ZNF750: variants seen among roughly 807,000 people sequenced by gnomAD.
The protein encoded by ZNF750 is protein ZNF750.
Under a neutral mutation model 31.6 loss-of-function variants are expected in ZNF750, and 10 were observed. That is an observed-to-expected ratio of 0.32 (90% CI 0.19 to 0.54). The LOEUF is 0.54. Among genes scored for constraint, ZNF750 ranks in the 20% least tolerant of loss-of-function variants. The pLI, the probability that ZNF750 is intolerant of heterozygous loss-of-function variation, is 0.95. For missense variants in ZNF750, 914 were observed against 934.9 expected, an observed-to-expected ratio of 0.98 and a Z score of 0.29; for synonymous variants, 400 against 404.9, an observed-to-expected ratio of 0.99 and a Z score of 0.15.
At chr17:82,836,210 G>T (rs939858639) in intron 1 of ZNF750, among the ~76,000 whole-genome samples, 2 of 152,284 alleles carry the variant, frequency 1.3e-5, no homozygotes, top group South Asian at 2.1e-4. Context: ...GAAGCCGGGT[G>T]CCTGGTTCCA....
chr17:82,832,110 C>T lies in ZNF750; in HGVS notation c.345G>A (p.Leu115=), dbSNP rs1354536533. The T allele has an allele frequency of 1.7e-5, 28 of 1,614,080 alleles. No homozygotes were observed. Among genetic ancestry groups the T allele is most frequent in the Non-Finnish European group, 2.2e-5 (26 of 1,180,044 alleles). The stretch of plus-strand genomic sequence containing the variant: ...TGTGGGTTCCCCGGGCTTGCAGCTC[C>T]AGGTTTTCCTTGATGTCTTCCCTGG... ...SSAREDIKEN[L]ELQARGTHRC... Residue 115 remains leucine (L), a synonymous_variant, in exon 2 of 3, where the codon CTG becomes CTA. Coordinates refer to ENST00000269394, the MANE Select transcript of ZNF750 (RefSeq NM_024702.3). This position sits in a 1 kb window ranked among gnomAD's most constrained non-coding sequence, Gnocchi z 4.9.
chr17:82,835,853 C>G lies in ZNF750; in HGVS notation c.-182-3217G>C, dbSNP rs2053924957. Among the ~76,000 whole-genome samples, 2 of 152,208 alleles carry G rather than the reference C, an allele frequency of 1.3e-5. No homozygotes were observed. Among genetic ancestry groups the G allele is most frequent in the African/African-American group, 4.8e-5 (2 of 41,460 alleles). On this transcript the variant is annotated intron_variant, in intron 1 of 2. Coordinates refer to ENST00000269394, the MANE Select transcript of ZNF750 (RefSeq NM_024702.3). The surrounding 1 kb of genome is among the most constrained non-coding windows in gnomAD (Gnocchi z 4.5). ...TTGGGTAGAAAAGGGGCTCTGCTGACCTGCCACCTTCGCTGTGATGAGTTT... is the reference window on the plus strand; with the variant it reads ...TTGGGTAGAAAAGGGGCTCTGCTGAGCTGCCACCTTCGCTGTGATGAGTTT...
chr17:82,838,044 C>T (rs2054134635), intron 1 of ZNF750, among the ~76,000 whole-genome samples: 1 of 152,248 alleles, frequency 6.6e-6, no homozygotes, highest in South Asian at 2.1e-4. Flanking sequence ...AGCCGATGCA[C>T]TTGGCTTCTG....
chr17:82,830,004 T>G lies in ZNF750; in HGVS notation c.*138A>C. On this transcript the variant is annotated 3_prime_UTR_variant, in exon 3 of 3. Coordinates refer to ENST00000269394, the MANE Select transcript of ZNF750 (RefSeq NM_024702.3). ...ACTGAATTGGAGGGTTTTTTGTTTG[T>G]TTGTTTGTTTGTTTTTTTGAGAAGC... 5 of 1,349,722 alleles carry G rather than the reference T, an allele frequency of 3.7e-6. No homozygotes were observed. Among genetic ancestry groups the G allele is most frequent in the East Asian group, 2.4e-5 (1 of 41,264 alleles). 83.6% of individuals were successfully genotyped at this position (1,349,722 alleles called of 1,614,324 possible).
rs773229555 is a variant in ZNF750 at position 82,835,716 on chromosome 17, T to A, written c.-182-3080A>T. ...CTGGGATTACAGGCATGAGCCACCG[T>A]GCCTGGCTCATTTATTTATAATTCT... On this transcript the variant is annotated intron_variant, in intron 1 of 2. Transcript: ENST00000269394. This position sits in a 1 kb window ranked among gnomAD's most constrained non-coding sequence, Gnocchi z 4.5. Among the ~76,000 whole-genome samples, 20 of 152,214 alleles carry A rather than the reference T, an allele frequency of 1.3e-4. No individual in the cohort carries two copies. The highest frequency in any genetic ancestry group is 2.4e-4 in the Non-Finnish European group (16 of 68,044).
Position 82,830,625 on chromosome 17 carries a change from A to G in ZNF750, c.1689T>C (p.Ala563=). 1 of 1,613,848 alleles carries G rather than the reference A, an allele frequency of 6.2e-7. No individual in the cohort carries two copies. The highest frequency in any genetic ancestry group is 8.5e-7 in the Non-Finnish European group (1 of 1,179,932). The change falls in exon 3 of 3, where the codon GCT becomes GCC. Residue 563 remains alanine (A), a synonymous_variant. Coordinates refer to ENST00000269394, the MANE Select transcript of ZNF750 (RefSeq NM_024702.3). The part of the protein sequence containing the change: ...LSVKDPCNTQ[A]PRPAFPGRPR... Reference sequence around the variant, plus strand: ...GTCGACCGGGGAAGGCAGGCCTCGGAGCCTGGGTGTTACAGGGGTCCTTCA... The same window carrying G: ...GTCGACCGGGGAAGGCAGGCCTCGGGGCCTGGGTGTTACAGGGGTCCTTCA...
At position 82,832,020 on chromosome 17, in the gene ZNF750, G is replaced by A. The variant is rs1249241721; in HGVS notation, c.435C>T (p.Ala145=). ...CCAGAGCAGGCTGGGCACCGAGGGC[G>A]GCTTCCGGAGCTGGGCTCTTGCAGG... ...ASPCKSPAPE[A]ALGAQPALEG... Residue 145 remains alanine, a synonymous_variant, in exon 2 of 3, where the codon GCC becomes GCT. Transcript: ENST00000269394. This position sits in a 1 kb window ranked among gnomAD's most constrained non-coding sequence, Gnocchi z 4.9. The A allele has an allele frequency of 3.1e-6, 5 of 1,612,544 alleles. No individual in the cohort carries two copies. Among genetic ancestry groups the A allele is most frequent in the South Asian group, 2.2e-5 (2 of 91,072 alleles).
chr17:82,830,471 C>T lies in ZNF750; in HGVS notation c.1843G>A (p.Gly615Ser), dbSNP rs372202694. Residue 615 changes from glycine to serine, a missense_variant, in exon 3 of 3, where the codon GGC (glycine) becomes AGC (serine). Physicochemically the swap from Gly to Ser is moderately conservative, Grantham distance 56 (BLOSUM62 0). Around this residue, in one of 2 missense-constraint regions of ZNF750, gnomAD observed 880 missense variants for 868.9 expected, o/e 1.01. Transcript: ENST00000269394. ...GCGCATGCGTCTGGAGCCTCCTCGCCGGGGCCTGTGGGTGGGGCCCCGTCA... is the reference window on the plus strand; with the variant it reads ...GCGCATGCGTCTGGAGCCTCCTCGCTGGGGCCTGTGGGTGGGGCCCCGTCA... ...DGDGAPPTGPGEEAPDACAVD... is the reference protein window; with the variant it reads ...DGDGAPPTGPSEEAPDACAVD... 1.9e-5 allele frequency: 31 copies of T among 1,613,088 alleles called. No individual in the cohort carries two copies. The East Asian group carries it at 2.0e-4, about 10-fold the overall frequency.
At chr17:82,837,693 C>T (rs1240414182) in intron 1 of ZNF750, among the ~76,000 whole-genome samples, 1 of 152,134 alleles carries the variant, frequency 6.6e-6, no homozygotes, top group East Asian at 1.9e-4. Flanking sequence ...CGGCAGGAAG[C>T]GTTAGCAGGG....
At chr17:82,836,030 C>G (rs764169718) in intron 1 of ZNF750, among the ~76,000 whole-genome samples, 1 of 152,226 alleles carries the variant, frequency 6.6e-6, no homozygotes, top group African/African-American at 2.4e-5. Flanking sequence ...TACAAGGCAC[C>G]GGGTCAAGGC....
Position 82,829,853 on chromosome 17 carries a change from A to G in ZNF750, c.*289T>C, listed in dbSNP as rs941611253. Reference sequence around the variant, plus strand: ...AATGGTGAGATATTTATAAGGAAACATTTATAAAAGATCTTCTGTAAGACA... The same window carrying G: ...AATGGTGAGATATTTATAAGGAAACGTTTATAAAAGATCTTCTGTAAGACA... On this transcript the variant is annotated 3_prime_UTR_variant, in exon 3 of 3. Transcript: ENST00000269394. 8.9e-6 allele frequency: 4 copies of G among 448,968 alleles called. No individual in the cohort carries two copies. The highest frequency in any genetic ancestry group is 5.8e-5 in the African/African-American group (3 of 51,284). 27.8% of individuals were successfully genotyped at this position (448,968 alleles called of 1,614,324 possible). A position where few individuals can be genotyped will look rare whatever the true frequency, so the allele number is the denominator to read the frequency against.
Position 82,832,514 on chromosome 17 carries a change from G to T in ZNF750, c.-60C>A, listed in dbSNP as rs528968086. 4 of 1,461,210 alleles carry T rather than the reference G, an allele frequency of 2.7e-6. No individual in the cohort carries two copies. The highest frequency in any genetic ancestry group is 2.8e-5 in the African/African-American group (2 of 72,036). The allele number at this position is 1,461,210 out of a possible 1,614,324, so 90.5% of individuals were successfully genotyped here. On this transcript the variant is annotated 5_prime_UTR_variant, in exon 2 of 3. Coordinates refer to ENST00000269394, the MANE Select transcript of ZNF750 (RefSeq NM_024702.3). This position sits in a 1 kb window ranked among gnomAD's most constrained non-coding sequence, Gnocchi z 4.9. Reference sequence around the variant, plus strand: ...GTGGCGTGATCACTGTCGACGCCGCGTGCACTTCGTGGTTTCTAAAGAGGC... The same window carrying T: ...GTGGCGTGATCACTGTCGACGCCGCTTGCACTTCGTGGTTTCTAAAGAGGC...
intron 1 of ZNF750, among the ~76,000 whole-genome samples, chr17:82,836,339 T>C (rs1372257816): frequency 6.6e-6 from 1 of 152,216 alleles, no homozygotes; most frequent in Non-Finnish European, 1.5e-5. Context: ...TTGTATAGGA[T>C]GTGTTACGGC....
At position 82,833,259 on chromosome 17, in the gene ZNF750, T is replaced by C. The variant is rs146491501; in HGVS notation, c.-182-623A>G. Among the ~76,000 whole-genome samples, 1,748 of 152,234 alleles carry C rather than the reference T, an allele frequency of 0.011. 17 individuals carry two copies. The highest frequency in any genetic ancestry group is 0.035 in the South Asian group (167 of 4,814). On this transcript the variant is annotated intron_variant, in intron 1 of 2. Coordinates refer to ENST00000269394, the MANE Select transcript of ZNF750 (RefSeq NM_024702.3). The surrounding 1 kb of genome is among the most constrained non-coding windows in gnomAD (Gnocchi z 4.7). ...GCTGGCTGGGAGCTCTCCCAAGTGC[T>C]GTGCGCCCCTGCCGTCGGCCTGTAG...
chr17:82,838,995 G>A, intron 1 of ZNF750: 3 of 984,470 alleles, frequency 3.0e-6, no homozygotes, highest in Non-Finnish European at 3.6e-6. Context: ...AAGTTTATGA[G>A]AAATTTCATA....
At chr17:82,839,567 T>C (rs550833615) in intron 1 of ZNF750, among the ~76,000 whole-genome samples, 1 of 152,338 alleles carries the variant, frequency 6.6e-6, no homozygotes, top group South Asian at 2.1e-4. Flanking sequence ...ACCACACATA[T>C]ATATATGACC....
In ZNF750 at chr17:82,835,786, A is replaced by G. The variant is rs1489495342; in HGVS notation, c.-182-3150T>C. Among the ~76,000 whole-genome samples, 2 of 152,190 alleles carry G rather than the reference A, an allele frequency of 1.3e-5. No homozygotes were observed. Among genetic ancestry groups the G allele is most frequent in the African/African-American group, 4.8e-5 (2 of 41,446 alleles). ...CCCCCTACAAACTGCCTCTATTAAC[A>G]TACTTTAAGTTCTTTAAGACATTTA... On this transcript the variant is annotated intron_variant, in intron 1 of 2. Transcript: ENST00000269394. The surrounding 1 kb of genome is among the most constrained non-coding windows in gnomAD (Gnocchi z 4.5).
At position 82,836,818 on chromosome 17, in the gene ZNF750, A is replaced by G. The variant is rs556615076; in HGVS notation, c.-183+3109T>C. Among the ~76,000 whole-genome samples the G allele has an allele frequency of 2.0e-5, 3 of 152,366 alleles. No individual in the cohort carries two copies. In the South Asian group the frequency reaches 6.2e-4, roughly 32 times the overall value. ...CGTGTAAGCTCTGCTGTTGCCCAAA[A>G]TAGTAATTAGGGAAATAATTGCTTT... On this transcript the variant is annotated intron_variant, in intron 1 of 2. Transcript: ENST00000269394.
Position 82,831,957 on chromosome 17 carries a change from G to T in ZNF750, c.498C>A (p.Gly166=), listed in dbSNP as rs753147570. The T allele has an allele frequency of 6.2e-7, 1 of 1,613,952 alleles. No individual in the cohort carries two copies. Among genetic ancestry groups the T allele is most frequent in the Non-Finnish European group, 8.5e-7 (1 of 1,179,894 alleles). Residue 166 remains glycine, a synonymous_variant, in exon 2 of 3, where the codon GGC becomes GGA. Coordinates refer to ENST00000269394, the MANE Select transcript of ZNF750 (RefSeq NM_024702.3). The surrounding 1 kb of genome is among the most constrained non-coding windows in gnomAD (Gnocchi z 4.6). ...TGTCTGGCCCCTTGAGTCTGTGCTC[G>T]CCGACTGGAACAAATGCAGAAGGCC... ...AARPSAFVPV[G]EHRLKGPDNA...
Sources: gnomAD v4.1 joint callset for allele counts (sites outside exome capture counted in the v4.1 genomes callset) on GRCh38, gnomAD v4.1.1 for gene constraint, gnomAD v4.1.1 regional missense constraint, Gnocchi (gnomAD v3.1) non-coding constraint, MANE v1.5 for transcripts, NCBI Gene and HGNC (gene_info 2026-07-23, HGNC 2026-07-21) for gene names.